The following SCHIP1 variants were observed in gnomAD, a reference collection of about 807,000 sequenced individuals.
SCHIP1 encodes the protein schwannomin-interacting protein 1.
In SCHIP1, 8 loss-of-function variants were observed where a neutral mutation model predicts 29.7. The ratio of observed to expected loss-of-function variants is 0.27; its 90% CI spans 0.16 to 0.49. The LOEUF is 0.49. Among genes scored for constraint, SCHIP1 ranks in the 20% least tolerant of loss-of-function variants. SCHIP1 has a pLI of 0.99. For synonymous variants in SCHIP1, 76 were observed against 94.9 expected (o/e 0.80, Z 1.16); for missense variants, 193 against 294.6 (o/e 0.66, Z 2.52).
At chr3:159,683,071 G>GTTTTA in the SCHIP1 span, among the ~76,000 whole-genome samples, 1 of 152,018 alleles carries the variant, frequency 6.6e-6, no homozygotes, top group Non-Finnish European at 1.5e-5. Context: ...TCTGCATTTT[G>GTTTTA]TTTTATTTTA....
chr3:159,469,102 A>T, the SCHIP1 span, among the ~76,000 whole-genome samples: 6 of 152,076 alleles, frequency 3.9e-5, no homozygotes, highest in Admixed American at 2.0e-4. Flanking sequence ...CAGAATTATC[A>T]ACAACTGTGG....
chr3:159,834,416 G>A, the SCHIP1 span, among the ~76,000 whole-genome samples: 2 of 152,160 alleles, frequency 1.3e-5, no homozygotes, highest in African/African-American at 4.8e-5. Flanking sequence ...GTCATATCTA[G>A]TCATTTGTGT....
At chr3:159,647,215 C>T in the SCHIP1 span, among the ~76,000 whole-genome samples, 2 of 151,746 alleles carry the variant, frequency 1.3e-5, no homozygotes, top group Non-Finnish European at 1.5e-5. Flanking sequence ...AGAGTGTCAT[C>T]GAAAAAGCCA....
the SCHIP1 span, among the ~76,000 whole-genome samples, chr3:159,808,057 A>G: frequency 3.9e-5 from 6 of 152,262 alleles, no homozygotes; most frequent in Admixed American, 6.5e-5. Flanking sequence ...ACAAACAACA[A>G]GGAACATTTG....
At chr3:159,289,405 TCTTA>T in the SCHIP1 span, among the ~76,000 whole-genome samples, 9 of 90,242 alleles carry the variant, frequency 1.0e-4, no homozygotes, top group Non-Finnish European at 2.1e-4. Flanking sequence ...CACATAAAGC[TCTTA>T]TTTATTTATT....
chr3:159,353,372 G>A, the SCHIP1 span, among the ~76,000 whole-genome samples: 1 of 151,978 alleles, frequency 6.6e-6, no homozygotes, highest in Admixed American at 6.6e-5. Context: ...TAGTACAATA[G>A]AAAATTACCA....
the SCHIP1 span, among the ~76,000 whole-genome samples, chr3:159,645,418 A>C: frequency 6.6e-6 from 1 of 152,170 alleles, no homozygotes; most frequent in African/African-American, 2.4e-5. Context: ...ATATCCTACA[A>C]AAAAGACAAC....
the SCHIP1 span, among the ~76,000 whole-genome samples, chr3:159,581,259 A>G: frequency 5.9e-5 from 9 of 152,300 alleles, no homozygotes; most frequent in African/African-American, 2.2e-4. Context: ...CCACAGAATG[A>G]CAGTGTTGAG....
chr3:159,495,907 T>A, the SCHIP1 span, among the ~76,000 whole-genome samples: 4 of 152,142 alleles, frequency 2.6e-5, no homozygotes, highest in African/African-American at 4.8e-5. Context: ...AAGACAGAGA[T>A]ATAGACCAAT....
the SCHIP1 span, among the ~76,000 whole-genome samples, chr3:159,814,682 GC>G: frequency 6.6e-6 from 1 of 152,204 alleles, no homozygotes; most frequent in Non-Finnish European, 1.5e-5. Context: ...TGGGTGTGTA[GC>G]CCAGGTATCA....
At chr3:159,752,533 T>A in the SCHIP1 span, among the ~76,000 whole-genome samples, 1 of 152,258 alleles carries the variant, frequency 6.6e-6, no homozygotes, top group East Asian at 1.9e-4. Context: ...CATGACAGCA[T>A]CTGCTTCTGG....
chr3:159,750,005 T>C, the SCHIP1 span, among the ~76,000 whole-genome samples: 2 of 152,064 alleles, frequency 1.3e-5, no homozygotes, highest in African/African-American at 4.8e-5. Context: ...GCAATAATTC[T>C]ATATAGTAAT....
the SCHIP1 span, among the ~76,000 whole-genome samples, chr3:159,813,170 A>AGGCC: frequency 6.6e-6 from 1 of 152,198 alleles, no homozygotes; most frequent in Non-Finnish European, 1.5e-5. Flanking sequence ...TATTCAAACC[A>AGGCC]TAGCAGCTAT....
chr3:159,826,676 T>C, the SCHIP1 span, among the ~76,000 whole-genome samples: 1 of 152,174 alleles, frequency 6.6e-6, no homozygotes, highest in African/African-American at 2.4e-5. Flanking sequence ...GATGTTGGAA[T>C]GAGGTAGGTA....
chr3:159,338,050 G>T, the SCHIP1 span, among the ~76,000 whole-genome samples: 14 of 152,074 alleles, frequency 9.2e-5, no homozygotes, highest in Admixed American at 9.2e-4. Flanking sequence ...TAGAAATCTT[G>T]CATTCAACAA....
the SCHIP1 span, among the ~76,000 whole-genome samples, chr3:159,643,199 T>C: frequency 6.6e-6 from 1 of 152,144 alleles, no homozygotes; most frequent in South Asian, 2.1e-4. Context: ...AAGAAGGTTA[T>C]TGTTCTGATT....
chr3:159,332,728 C>A, the SCHIP1 span, among the ~76,000 whole-genome samples: 1 of 152,070 alleles, frequency 6.6e-6, no homozygotes, highest in Non-Finnish European at 1.5e-5. Context: ...CAATGAGTAT[C>A]CATCAGTTTG....
chr3:159,378,476 G>C, the SCHIP1 span, among the ~76,000 whole-genome samples: 2 of 152,128 alleles, frequency 1.3e-5, no homozygotes, highest in Non-Finnish European at 2.9e-5. Context: ...CAGAATATTT[G>C]GGATCTGTTA....
the SCHIP1 span, among the ~76,000 whole-genome samples, chr3:159,548,640 C>A: frequency 1.3e-5 from 2 of 151,958 alleles, no homozygotes; most frequent in African/African-American, 2.4e-5. Context: ...CTATTGCTCT[C>A]TCTTAAGTTT....
Sources: gnomAD v4.1 joint callset for allele counts (sites outside exome capture counted in the v4.1 genomes callset) on GRCh38, gnomAD v4.1.1 for gene constraint, MANE v1.5 for transcripts, NCBI Gene and HGNC (gene_info 2026-07-23, HGNC 2026-07-21) for gene names.